The following OSBPL8 variants were observed in gnomAD, a reference collection of about 807,000 sequenced individuals.
OSBPL8 encodes the protein oxysterol binding protein like 8.
In OSBPL8, 59 loss-of-function variants were observed where a neutral mutation model predicts 125.5. The observed-to-expected ratio is 0.47, with a 90% CI of 0.38 to 0.58. OSBPL8 has a LOEUF of 0.58. Ranked by LOEUF, OSBPL8 falls within the 20% of genes least tolerant of loss-of-function variation. OSBPL8 has a pLI of 0.00. For synonymous variants in OSBPL8, 330 were observed against 338.9 expected (o/e 0.97, Z 0.29); for missense variants, 758 against 1,047.8 (o/e 0.72, Z 3.82).
chr12:76,505,765 G>C (rs1356747051), intron 1 of OSBPL8, among the ~76,000 whole-genome samples: 4 of 152,034 alleles, frequency 2.6e-5, no homozygotes, highest in Non-Finnish European at 5.9e-5. Context: ...ATAGCAAAGA[G>C]ACTACTGTGG....
chr12:76,508,143 C>T (rs1297609990), intron 1 of OSBPL8, among the ~76,000 whole-genome samples: 5 of 151,792 alleles, frequency 3.3e-5, no homozygotes, highest in Non-Finnish European at 4.4e-5. Flanking sequence ...CGCACTCCAG[C>T]CTGGGCAACA....
chr12:76,497,707 T>C (rs868351013), intron 1 of OSBPL8, among the ~76,000 whole-genome samples: 22 of 152,234 alleles, frequency 1.4e-4, no homozygotes, highest in Non-Finnish European at 2.8e-4. Flanking sequence ...AGGCAGCTTA[T>C]GTAAGGGCTT....
chr12:76,433,028 C>A (rs1488838952), intron 4 of OSBPL8, among the ~76,000 whole-genome samples: 2 of 152,152 alleles, frequency 1.3e-5, no homozygotes, highest in Non-Finnish European at 2.9e-5. Context: ...AATTCAACAT[C>A]TATTCATAAC....
intron 19 of OSBPL8, among the ~76,000 whole-genome samples, chr12:76,370,868 T>C (rs1019918700): frequency 1.3e-5 from 2 of 152,200 alleles, no homozygotes; most frequent in African/African-American, 4.8e-5. Context: ...CATAAGTCTC[T>C]TTCTCTTAAC....
chr12:76,369,696 C>G lies in OSBPL8; in HGVS notation c.2181G>C (p.Trp727Cys). 6.2e-7 allele frequency: 1 copy of G among 1,613,676 alleles called. No homozygotes were observed. The highest frequency in any genetic ancestry group is 8.5e-7 in the Non-Finnish European group (1 of 1,179,750). ...ARDRKTKNEE[W>C]SCKLFELDPL... ...GATCAAGTTCAAATAATTTGCAAGA[C>G]CACTCTTCATTTTTTGTTTTCCGAT... Residue 727 changes from tryptophan to cysteine, a missense_variant, in exon 20 of 24, where the codon TGG becomes TGC. Trp to Cys is a radical substitution (Grantham distance 215). Coordinates refer to ENST00000261183, the MANE Select transcript of OSBPL8 (RefSeq NM_020841.5).
At chr12:76,464,250 G>A (rs933288174) in intron 2 of OSBPL8, among the ~76,000 whole-genome samples, 1 of 152,152 alleles carries the variant, frequency 6.6e-6, no homozygotes, top group African/African-American at 2.4e-5. Flanking sequence ...AACAGCCACT[G>A]CACTCCAGCC....
chr12:76,449,778 T>TAA (rs1873159835), intron 4 of OSBPL8, among the ~76,000 whole-genome samples: 1 of 152,182 alleles, frequency 6.6e-6, no homozygotes, highest in African/African-American at 2.4e-5. Context: ...TCCAAATGAC[T>TAA]AATGCATGAT....
At chr12:76,362,892 TAGAC>T (rs1319514943) in intron 21 of OSBPL8, among the ~76,000 whole-genome samples, 13 of 151,758 alleles carry the variant, frequency 8.6e-5, no homozygotes, top group South Asian at 2.1e-4. Flanking sequence ...ACACCAATAA[TAGAC>T]AGAGAGCCAA....
intron 15 of OSBPL8, 125 bp downstream of exon 15, chr12:76,384,129 A>G (rs189839837): frequency 7.2e-5 from 34 of 472,806 alleles, no homozygotes; most frequent in African/African-American, 6.7e-4. Flanking sequence ...CCATTATTCA[A>G]GGAAAGATGA....
intron 2 of OSBPL8, among the ~76,000 whole-genome samples, chr12:76,474,711 A>C (rs1876585413): frequency 1.3e-5 from 2 of 152,144 alleles, no homozygotes; most frequent in South Asian, 4.1e-4. Context: ...TTGAACTCCC[A>C]GGCTCAAGCA....
Position 76,360,580 on chromosome 12 carries a change from C to T in OSBPL8, c.2329-1769G>A, listed in dbSNP as rs531920781. On this transcript the variant is annotated intron_variant, in intron 21 of 23. Transcript: ENST00000261183. ...CCAGTAGGGACTCTGTGGGGGGCTC[C>T]GACCCCAGATTTCCCTTCTGCACTG... Among the ~76,000 whole-genome samples, 14 of 152,352 alleles carry T rather than the reference C, an allele frequency of 9.2e-5. No homozygotes were observed. In the South Asian group the frequency reaches 1.0e-3, roughly 11 times the overall value.
chr12:76,442,367 T>G (rs1029973977), intron 4 of OSBPL8, among the ~76,000 whole-genome samples: 25 of 152,328 alleles, frequency 1.6e-4, no homozygotes, highest in Admixed American at 1.6e-3. Context: ...AAATATTATA[T>G]TCTCTTTCAT....
intron 2 of OSBPL8, among the ~76,000 whole-genome samples, chr12:76,478,287 G>A (rs1009001035): frequency 6.6e-6 from 1 of 152,008 alleles, no homozygotes; most frequent in African/African-American, 2.4e-5. Flanking sequence ...AAGTTCTACT[G>A]TGCCCTCATG....
intron 4 of OSBPL8, among the ~76,000 whole-genome samples, chr12:76,421,493 G>A (rs1312025833): frequency 6.6e-6 from 1 of 151,982 alleles, no homozygotes; most frequent in African/African-American, 2.4e-5. Flanking sequence ...AATTGCCCAG[G>A]TGAACACTTT....
At chr12:76,393,780 T>C (rs1953671433) in intron 9 of OSBPL8, among the ~76,000 whole-genome samples, 1 of 150,286 alleles carries the variant, frequency 6.7e-6, no homozygotes, top group African/African-American at 2.5e-5. Context: ...CCCCAGCACT[T>C]TGGGAGGCCG....
Position 76,356,642 on chromosome 12 carries a change from GTGTT to G in OSBPL8, c.2517_2520del (p.Gln839HisfsTer16). The stretch of plus-strand genomic sequence containing the variant: ...TATTATTACCTTTTAATTTCTTCCT[GTGTT>G]TGTTTTATAGATTCGATGGAACTCT... On this transcript the variant is annotated frameshift_variant, in exon 23 of 24. Transcript: ENST00000261183. LOFTEE classifies it high-confidence loss of function. 1 of 1,597,530 alleles carries G rather than the reference GTGTT, an allele frequency of 6.3e-7. No homozygotes were observed. The highest frequency in any genetic ancestry group is 1.3e-5 in the African/African-American group (1 of 74,564).
In OSBPL8 at chr12:76,375,099, C is replaced by T. The variant is rs1421336725; in HGVS notation, c.1827+174G>A. 3.3e-5 allele frequency among the ~76,000 whole-genome samples: 5 copies of T among 152,082 alleles called. No individual in the cohort carries two copies. The South Asian group carries it at 1.0e-3, about 32-fold the overall frequency. On this transcript the variant is annotated intron_variant, in intron 17 of 23. Transcript: ENST00000261183. ...TTCCAAGGCTGCTATCTTAGGCTAC[C>T]CGAAGATACTCACCCAGCCTTGCCC...
chr12:76,428,677 A>C (rs1870446666), intron 4 of OSBPL8, among the ~76,000 whole-genome samples: 1 of 152,100 alleles, frequency 6.6e-6, no homozygotes, highest in Admixed American at 6.6e-5. Flanking sequence ...AATTTAAGAA[A>C]GTACTACGTC....
intron 4 of OSBPL8, among the ~76,000 whole-genome samples, chr12:76,429,643 G>A (rs894256448): frequency 6.6e-6 from 1 of 152,052 alleles, no homozygotes; most frequent in African/African-American, 2.4e-5. Context: ...GAGTGTTTTT[G>A]TGTATGTTCT....
Sources: gnomAD v4.1 joint callset for allele counts (sites outside exome capture counted in the v4.1 genomes callset) on GRCh38, gnomAD v4.1.1 for gene constraint, MANE v1.5 for transcripts, NCBI Gene and HGNC (gene_info 2026-07-23, HGNC 2026-07-21) for gene names.